RUFY2: variants seen among roughly 807,000 people sequenced by gnomAD.
RUFY2 encodes RUN and FYVE domain containing 2.
RUFY2 carries 49 observed loss-of-function variants against 94.4 expected under a neutral mutation model. The ratio of observed to expected loss-of-function variants is 0.52; its 90% CI spans 0.41 to 0.66. The LOEUF (loss-of-function observed/expected upper bound fraction) is 0.66. RUFY2 is among the 30% of genes least tolerant of loss of function. The pLI, the probability that RUFY2 is intolerant of heterozygous loss-of-function variation, is 0.00. For missense variants in RUFY2, 541 were observed against 692.8 expected (o/e 0.78, Z 2.46); for synonymous variants, 255 against 235.7 (o/e 1.08, Z -0.75).
rs1441649945 is a variant in RUFY2, at chr10:68,381,361, C to A, written c.978G>T (p.Lys326Asn). ...ENELAVQVSM[K>N]HEIELAMKLL... ...ACTTCATGGCAAGTTCAATCTCATG[C>A]TTCATACTAACTTGTACTGCTAGCT... is the stretch of plus-strand genomic sequence containing the variant. Residue 326 changes from lysine to asparagine, a missense_variant, in exon 11 of 18, where the codon AAG (lysine) becomes AAT (asparagine). Lys to Asn is a moderately conservative substitution (Grantham distance 94). Transcript: ENST00000602465. 1 of 1,613,988 alleles carries A rather than the reference C, an allele frequency of 6.2e-7. No individual in the cohort carries two copies. Among genetic ancestry groups the A allele is most frequent in the Non-Finnish European group, 8.5e-7 (1 of 1,179,976 alleles).
chr10:68,378,278 A>C, intron 12 of RUFY2: 1 of 1,111,234 alleles, frequency 9.0e-7, no homozygotes. Context: ...ATTTTTCATC[A>C]AAAAGTAGCT....
rs755419558 is a variant in RUFY2 at position 68,343,808 on chromosome 10, T to TAAAAAAAAAAAAAAAAAA, written c.*1942_*1959dup. The stretch of plus-strand genomic sequence containing the variant: ...GCAAGTTGCTGTCATAAAAGCTGCC[T>TAAAAAAAAAAAAAAAAAA]AAAAAAAAAAAAAAAAAAAAAAAAA... On this transcript the variant is annotated 3_prime_UTR_variant, in exon 18 of 18. Transcript: ENST00000602465. 1 of 115,682 alleles carries TAAAAAAAAAAAAAAAAAA rather than the reference T, an allele frequency of 8.6e-6. No individual in the cohort carries two copies. The highest frequency in any genetic ancestry group is 3.9e-5 in the African/African-American group (1 of 25,394). The allele number at this position is 115,682 out of a possible 1,614,324, so 7.2% of individuals were successfully genotyped here. A position where few individuals can be genotyped will look rare whatever the true frequency, so the allele number is the denominator to read the frequency against.
At chr10:68,366,422 A>G (rs1460973851) in intron 13 of RUFY2, among the ~76,000 whole-genome samples, 1 of 151,486 alleles carries the variant, frequency 6.6e-6, no homozygotes, top group African/African-American at 2.4e-5. Flanking sequence ...ACTATAATCT[A>G]AATTTTAAGA....
At chr10:68,407,159 C>A (rs1389330289) in intron 1 of RUFY2, 27 bp downstream of exon 1, 1 of 1,479,728 alleles carries the variant, frequency 6.8e-7, no homozygotes, top group Non-Finnish European at 8.9e-7. Context: ...GAGGGCCTAG[C>A]GTTCGGTTTC....
At chr10:68,407,156 T>C (rs59831114) in intron 1 of RUFY2, 30 bp downstream of exon 1, 3 of 1,480,526 alleles carry the variant, frequency 2.0e-6, no homozygotes, top group East Asian at 2.8e-5. Context: ...ACTGAGGGCC[T>C]AGCGTTCGGT....
chr10:68,372,765 C>T (rs2048367144), intron 13 of RUFY2, among the ~76,000 whole-genome samples: 1 of 151,666 alleles, frequency 6.6e-6, no homozygotes, highest in South Asian at 2.1e-4. Context: ...AAAAATTAGC[C>T]AGGTATGGTG....
intron 1 of RUFY2, among the ~76,000 whole-genome samples, chr10:68,405,203 C>T (rs1019081796): frequency 3.3e-5 from 5 of 151,656 alleles, no homozygotes; most frequent in African/African-American, 9.7e-5. Context: ...GTCCCAGCTA[C>T]TCGGGAGGCT....
At chr10:68,387,545 C>T (rs993215759) in intron 7 of RUFY2, among the ~76,000 whole-genome samples, 2 of 151,982 alleles carry the variant, frequency 1.3e-5, no homozygotes, top group Non-Finnish European at 2.9e-5. Context: ...AATGTTTTTC[C>T]ATTCATATTA....
intron 4 of RUFY2, among the ~76,000 whole-genome samples, chr10:68,395,084 T>C (rs935355957): frequency 6.7e-6 from 1 of 148,692 alleles, no homozygotes; most frequent in Non-Finnish European, 1.5e-5. Context: ...ACGCCTGTAA[T>C]CCCAGCACTT....
chr10:68,376,912 T>C lies in RUFY2; in HGVS notation c.1266A>G (p.Gln422=). Residue 422 remains glutamine, a synonymous_variant, in exon 13 of 18, where the codon CAA becomes CAG. Transcript: ENST00000602465. The part of the protein sequence containing the change: ...EAEDEDEKYL[Q]ECLSKSDSLQ... ...GACTATCAGATTTACTGAGACATTC[T>C]TGTAGATATTTCTCATCCTCATCTT... 6.2e-7 allele frequency: 1 copy of C among 1,613,540 alleles called. No homozygotes were observed. The highest frequency in any genetic ancestry group is 1.1e-5 in the South Asian group (1 of 91,072).
At chr10:68,394,722 C>T (rs1194611632) in intron 4 of RUFY2, among the ~76,000 whole-genome samples, 5 of 151,812 alleles carry the variant, frequency 3.3e-5, no homozygotes, top group African/African-American at 7.3e-5. Flanking sequence ...CTCTGCCTCC[C>T]GGGTTCACAC....
intron 17 of RUFY2, 34 bp from the exon 18 acceptor site, chr10:68,345,945 C>T: frequency 6.2e-7 from 1 of 1,612,422 alleles, no homozygotes. Context: ...GAAAAAAACA[C>T]TTTAAATAAA....
chr10:68,363,420 C>G lies in RUFY2; in HGVS notation c.1550+170G>C, dbSNP rs374587452. ...TTGACCTCCTGACTTCATGATCCACCCGCCTCGGCCAGGAATTACAAAGTG... is the reference window on the plus strand; with the variant it reads ...TTGACCTCCTGACTTCATGATCCACGCGCCTCGGCCAGGAATTACAAAGTG... On this transcript the variant is annotated intron_variant, in intron 15 of 17. Transcript: ENST00000602465. 3.3e-5 allele frequency among the ~76,000 whole-genome samples: 5 copies of G among 152,176 alleles called. No homozygotes were observed. In the East Asian group the frequency reaches 7.7e-4, roughly 23 times the overall value.
rs2046263843 is a variant in RUFY2, at chr10:68,346,233, T to C, written c.1600-149A>G. The C allele has an allele frequency of 7.8e-6, 5 of 640,472 alleles. No individual in the cohort carries two copies. In the South Asian group the frequency reaches 1.0e-4, roughly 13 times the overall value. The allele number at this position is 640,472 out of a possible 1,614,324, so 39.7% of individuals were successfully genotyped here. On this transcript the variant is annotated intron_variant, in intron 16 of 17. Coordinates refer to ENST00000602465, the MANE Select transcript of RUFY2 (RefSeq NM_001330103.2). The stretch of plus-strand genomic sequence containing the variant: ...TTTGAGAGATGTATATATATGTAAA[T>C]ATGTATGGAATTAGCCTCAAAATAT...
Position 68,349,773 on chromosome 10 carries a change from C to T in RUFY2, c.1600-3689G>A, listed in dbSNP as rs548713866. 7.0e-3 allele frequency among the ~76,000 whole-genome samples: 1,062 copies of T among 152,104 alleles called. 11 individuals carry two copies. Among genetic ancestry groups the T allele is most frequent in the Admixed American group, 0.022 (331 of 15,276 alleles). Reference sequence around the variant, plus strand: ...CAGGATGGTCTCGATCTCCTGACCTCGTGATCTGCCCGCCTCAGCCTCCCA... The same window carrying T: ...CAGGATGGTCTCGATCTCCTGACCTTGTGATCTGCCCGCCTCAGCCTCCCA... On this transcript the variant is annotated intron_variant, in intron 16 of 17. Coordinates refer to ENST00000602465, the MANE Select transcript of RUFY2 (RefSeq NM_001330103.2).
At chr10:68,361,842 T>A (rs1356545935) in intron 15 of RUFY2, among the ~76,000 whole-genome samples, 4 of 152,236 alleles carry the variant, frequency 2.6e-5, no homozygotes, top group Non-Finnish European at 4.4e-5. Flanking sequence ...GACAAGATGT[T>A]TACACATAGA....
chr10:68,364,183 T>C, intron 13 of RUFY2, 70 bp from the exon 14 acceptor site: 3 of 1,416,720 alleles, frequency 2.1e-6, no homozygotes, highest in South Asian at 3.1e-5. Context: ...TATTCTTTAC[T>C]AAAATCACCC....
chr10:68,395,507 A>G (rs763826128), intron 4 of RUFY2, among the ~76,000 whole-genome samples: 3 of 152,242 alleles, frequency 2.0e-5, no homozygotes, highest in Admixed American at 6.6e-5. Flanking sequence ...GAAAATGAAC[A>G]TATGCAACAT....
At chr10:68,345,935 GA>G (rs758003535) in intron 17 of RUFY2, 24 bp from the exon 18 acceptor site, 16 of 1,610,210 alleles carry the variant, frequency 9.9e-6, no homozygotes, top group East Asian at 8.9e-5. Flanking sequence ...AAATCAGAGG[GA>G]AAAAAACACT....
Sources: gnomAD v4.1 joint callset for allele counts (sites outside exome capture counted in the v4.1 genomes callset) on GRCh38, gnomAD v4.1.1 for gene constraint, MANE v1.5 for transcripts, NCBI Gene and HGNC (gene_info 2026-07-23, HGNC 2026-07-21) for gene names.